Variants in CEP290 observed in about 807,000 individuals in gnomAD.
CEP290 encodes centrosomal protein of 290 kDa.
In CEP290, 317 loss-of-function variants were observed where a neutral mutation model predicts 344.9. That is an observed-to-expected ratio of 0.92 (90% CI 0.84 to 1.01). The LOEUF is 1.01. Among genes scored for constraint, CEP290 ranks in the 50% least tolerant of loss-of-function variants. CEP290 has a pLI of 0.00. For missense variants in CEP290, 2,754 were observed against 2,761.4 expected, an observed-to-expected ratio of 1.00 and a Z score of 0.06; for synonymous variants, 932 against 895.8, an observed-to-expected ratio of 1.04 and a Z score of -0.72.
chr12:88,118,804 C>T, intron 15 of CEP290, 61 bp from the exon 16 acceptor site: 1 of 1,139,446 alleles, frequency 8.8e-7, no homozygotes, highest in African/African-American at 1.6e-5. Flanking sequence ...GCAAAAATGT[C>T]ATATACCATC....
At position 88,101,480 on chromosome 12, in the gene CEP290, CA is replaced by C. The variant is rs762783922; in HGVS notation, c.2991+1357del. ...TGGGTGACAGAGCGAGACTCTGCCT[CA>C]AAAAAAAAAAAAAAAAAAAAAAAAT... On this transcript the variant is annotated intron_variant, in intron 26 of 53. Transcript: ENST00000552810. Among the ~76,000 whole-genome samples, 1,044 of 44,296 alleles carry C rather than the reference CA, an allele frequency of 0.024. 2 individuals carry two copies. The highest frequency in any genetic ancestry group is 0.04 in the South Asian group (60 of 1,510). 29.1% of individuals were successfully genotyped at this position (44,296 alleles called of 152,430 possible). A position where few individuals can be genotyped will look rare whatever the true frequency, so the allele number is the denominator to read the frequency against.
At chr12:88,115,270 T>TA (rs933550801) in intron 18 of CEP290, 88 bp from the exon 19 acceptor site, 1 of 793,482 alleles carries the variant, frequency 1.3e-6, no homozygotes, top group African/African-American at 1.8e-5. Context: ...TTTGATCAAT[T>TA]AAGTATAACA....
chr12:88,133,014 G>T (rs574759444), intron 6 of CEP290, among the ~76,000 whole-genome samples: 1 of 151,358 alleles, frequency 6.6e-6, no homozygotes, highest in African/African-American at 2.4e-5. Context: ...TGAGTTTGCT[G>T]AGGATAATGG....
intron 6 of CEP290, among the ~76,000 whole-genome samples, chr12:88,134,892 T>C (rs778066358): frequency 5.9e-5 from 9 of 152,170 alleles, no homozygotes; most frequent in Admixed American, 1.3e-4. Context: ...CTACCCAGAA[T>C]GTTCTTTTAT....
chr12:88,117,285 T>G, intron 17 of CEP290, 140 bp from the exon 18 acceptor site: 2 of 547,408 alleles, frequency 3.7e-6, no homozygotes, highest in Non-Finnish European at 6.5e-6. Flanking sequence ...AAATTCTACA[T>G]AGCCAATACA....
chr12:88,115,181 T>C lies in CEP290; in HGVS notation c.1826A>G (p.Asn609Ser), dbSNP rs761662102. 4.9e-6 allele frequency: 7 copies of C among 1,432,892 alleles called. No homozygotes were observed. Among genetic ancestry groups the C allele is most frequent in the Non-Finnish European group, 6.7e-6 (7 of 1,042,358 alleles). The allele number at this position is 1,432,892 out of a possible 1,614,324, so 88.8% of individuals were successfully genotyped here. A position where few individuals can be genotyped will look rare whatever the true frequency, so the allele number is the denominator to read the frequency against. ...LKNMSEAQSK[N>S]EFLSRELIEK... is the part of the protein sequence containing the mutation. Reference sequence around the variant, plus strand: ...AATTAGTTCTCTTGAAAGAAATTCATTCTGAAAAAAGCAGAGAGAATAAAA... The same window carrying C: ...AATTAGTTCTCTTGAAAGAAATTCACTCTGAAAAAAGCAGAGAGAATAAAA... The change falls in exon 19 of 54, where the codon AAT becomes AGT. Residue 609 changes from asparagine (N) to serine (S), a missense_variant and splice_region_variant. Physicochemically the swap from Asn to Ser is conservative, Grantham distance 46. Transcript: ENST00000552810.
At chr12:88,075,633 AG>A (rs967905611) in intron 41 of CEP290, among the ~76,000 whole-genome samples, 3 of 152,238 alleles carry the variant, frequency 2.0e-5, no homozygotes, top group Admixed American at 6.5e-5. Flanking sequence ...TGCAAGGCAC[AG>A]GGGTGGGTTT....
intron 4 of CEP290, 136 bp from the exon 5 acceptor site, chr12:88,139,327 T>C (rs537099954): frequency 1.6e-5 from 8 of 500,896 alleles, no homozygotes; most frequent in Non-Finnish European, 2.6e-5. Flanking sequence ...AAGTATTATA[T>C]GGCAGATCCA....
At chr12:88,119,496 A>G (rs1172583181) in intron 15 of CEP290, among the ~76,000 whole-genome samples, 2 of 152,178 alleles carry the variant, frequency 1.3e-5, no homozygotes, top group African/African-American at 2.4e-5. Flanking sequence ...AGTACTTAAA[A>G]ATCTTTAAAA....
Position 88,077,273 on chromosome 12 carries a change from G to C in CEP290, c.5658C>G (p.Asn1886Lys), listed in dbSNP as rs1368307580. Residue 1886 changes from asparagine (N) to lysine (K), a missense_variant, in exon 41 of 54, where the codon AAC (asparagine) becomes AAG (lysine). Coordinates refer to ENST00000552810, the MANE Select transcript of CEP290 (RefSeq NM_025114.4). ...ELQRKVKKLENQLEGKVEEVD... is the reference protein window; with the variant it reads ...ELQRKVKKLEKQLEGKVEEVD... ...CTTCCTCCACCTTTCCCTCTAATTG[G>C]TTCTCTAGTTTTTTAACTTTCCTTT... The C allele has an allele frequency of 6.2e-7, 1 of 1,602,092 alleles. No individual in the cohort carries two copies. Among genetic ancestry groups the C allele is most frequent in the East Asian group, 2.3e-5 (1 of 44,222 alleles).
intron 38 of CEP290, 144 bp downstream of exon 38, chr12:88,080,038 G>T: frequency 1.6e-6 from 1 of 608,930 alleles, no homozygotes; most frequent in Admixed American, 3.1e-5. Context: ...AAAATACCTT[G>T]TTTAACAGCA....
At position 88,105,546 on chromosome 12, in the gene CEP290, A is replaced by C. The variant is rs116761905; in HGVS notation, c.2817+1129T>G. ...AAAAGCATGTCTGTTAATAAATGTA[A>C]GTGCATAATATAACTAGAAAATTAT... is the stretch of plus-strand genomic sequence containing the variant. On this transcript the variant is annotated intron_variant, in intron 25 of 53. Coordinates refer to ENST00000552810, the MANE Select transcript of CEP290 (RefSeq NM_025114.4). 7.5e-3 allele frequency among the ~76,000 whole-genome samples: 1,144 copies of C among 152,340 alleles called. 20 individuals are homozygous for C. The highest frequency in any genetic ancestry group is 0.026 in the African/African-American group (1,098 of 41,580).
chr12:88,117,872 C>T (rs2039150227), intron 17 of CEP290, among the ~76,000 whole-genome samples: 1 of 151,772 alleles, frequency 6.6e-6, no homozygotes, highest in African/African-American at 2.4e-5. Flanking sequence ...CCTGTTTCTA[C>T]TAAAAATACA....
rs867904492 is a variant in CEP290 at position 88,064,089 on chromosome 12, ATGATCATC to A, written c.6154_6161del (p.Asp2052LeufsTer17). 3.2e-6 allele frequency: 5 copies of A among 1,576,454 alleles called. No homozygotes were observed. Among genetic ancestry groups the A allele is most frequent in the Non-Finnish European group, 4.3e-6 (5 of 1,159,974 alleles). Reference sequence around the variant, plus strand: ...TCTGAAGCTCCTGTTCTCTCTGACAATGATCATCTGACTCTATTCCTGAAATCTTCAGG... The same window carrying A: ...TCTGAAGCTCCTGTTCTCTCTGACAATGACTCTATTCCTGAAATCTTCAGG... On this transcript the variant is annotated frameshift_variant, in exon 45 of 54. Coordinates refer to ENST00000552810, the MANE Select transcript of CEP290 (RefSeq NM_025114.4). LOFTEE classifies it high-confidence loss of function.
At position 88,083,074 on chromosome 12, in the gene CEP290, T is replaced by C; in HGVS notation, c.4969A>G (p.Ile1657Val). ...VSQDLERQREITELKVKEFEN... is the reference protein window; with the variant it reads ...VSQDLERQREVTELKVKEFEN... ...AATTCTTTTACTTTTAATTCAGTGA[T>C]TTCTCTTTGTCTCTCCAAATCTTGT... Residue 1657 changes from isoleucine to valine, a missense_variant, in exon 37 of 54, where the codon ATC becomes GTC. Ile to Val is a conservative substitution (Grantham distance 29). Coordinates refer to ENST00000552810, the MANE Select transcript of CEP290 (RefSeq NM_025114.4). 1 of 1,526,602 alleles carries C rather than the reference T, an allele frequency of 6.6e-7. No homozygotes were observed. Among genetic ancestry groups the C allele is most frequent in the Non-Finnish European group, 8.8e-7 (1 of 1,137,130 alleles). 94.6% of individuals were successfully genotyped at this position (1,526,602 alleles called of 1,614,324 possible).
intron 29 of CEP290, 24 bp from the exon 30 acceptor site, chr12:88,090,863 G>A: frequency 2.1e-6 from 3 of 1,425,244 alleles, no homozygotes; most frequent in Non-Finnish European, 2.9e-6. Flanking sequence ...AGGTATTTCA[G>A]GAACAATTAA....
rs2036855666 is a variant in CEP290 at position 88,089,502 on chromosome 12, A to AT, written c.3574-16_3574-15insA. 2 of 1,412,480 alleles carry AT rather than the reference A, an allele frequency of 1.4e-6. No homozygotes were observed. Among genetic ancestry groups the AT allele is most frequent in the Admixed American group, 3.0e-5 (1 of 33,780 alleles). 87.5% of individuals were successfully genotyped at this position (1,412,480 alleles called of 1,614,324 possible). A position where few individuals can be genotyped will look rare whatever the true frequency, so the allele number is the denominator to read the frequency against. Reference sequence around the variant, plus strand: ...TCAGACTGTGCCTGATATTAAAAAAAATATATATTTGTAGTAAGTTTCAAA... The same window carrying AT: ...TCAGACTGTGCCTGATATTAAAAAAATATATATATTTGTAGTAAGTTTCAAA... On this transcript the variant is annotated splice_polypyrimidine_tract_variant and intron_variant, in intron 30 of 53. Transcript: ENST00000552810.
intron 41 of CEP290, among the ~76,000 whole-genome samples, chr12:88,076,766 A>G (rs1023211297): frequency 6.6e-6 from 1 of 152,096 alleles, no homozygotes; most frequent in African/African-American, 2.4e-5. Flanking sequence ...TAACTTTGCT[A>G]TCTGAAATAA....
intron 44 of CEP290, among the ~76,000 whole-genome samples, chr12:88,065,929 A>G (rs2034889555): frequency 6.6e-6 from 1 of 152,226 alleles, no homozygotes; most frequent in South Asian, 2.1e-4. Flanking sequence ...GAACTTCACG[A>G]GACTTCCAAA....
Sources: gnomAD v4.1 joint callset for allele counts (sites outside exome capture counted in the v4.1 genomes callset) on GRCh38, gnomAD v4.1.1 for gene constraint, MANE v1.5 for transcripts, NCBI Gene and HGNC (gene_info 2026-07-23, HGNC 2026-07-21) for gene names.